RASEF: variants seen among roughly 807,000 people sequenced by gnomAD.
The protein encoded by RASEF is RAS and EF-hand domain containing.
Under a neutral mutation model 90.1 loss-of-function variants are expected in RASEF, and 68 were observed. The ratio of observed to expected loss-of-function variants is 0.75; its 90% CI spans 0.62 to 0.92. The LOEUF (loss-of-function observed/expected upper bound fraction) is 0.92, where lower values mean the gene tolerates loss of function less well. Among genes scored for constraint, RASEF ranks in the 40% least tolerant of loss-of-function variants. The pLI, the probability that RASEF is intolerant of heterozygous loss-of-function variation, is 0.00. For synonymous variants in RASEF, 331 were observed against 345.2 expected (o/e 0.96, Z 0.46); for missense variants, 949 against 937.2 (o/e 1.01, Z -0.16).
At chr9:83,167,276 G>A in the RASEF span, among the ~76,000 whole-genome samples, 1 of 151,582 alleles carries the variant, frequency 6.6e-6, no homozygotes, top group Non-Finnish European at 1.5e-5. Context: ...AGAAGACCAG[G>A]CTTGACCTGA....
At chr9:83,200,360 C>A in the RASEF span, among the ~76,000 whole-genome samples, 1 of 152,110 alleles carries the variant, frequency 6.6e-6, no homozygotes. Context: ...CATGCCATTG[C>A]ACTCCAGCCT....
Position 83,025,800 on chromosome 9 carries a change from C to T in RASEF, c.553G>A (p.Glu185Lys). The T allele has an allele frequency of 4.3e-6, 7 of 1,613,816 alleles. No individual in the cohort carries two copies. Among genetic ancestry groups the T allele is most frequent in the Non-Finnish European group, 5.9e-6 (7 of 1,179,942 alleles). The change falls in exon 2 of 17, where the codon GAA (glutamate) becomes AAA (lysine). Residue 185 changes from glutamate (E) to lysine (K), a missense_variant. Physicochemically the swap from Glu to Lys is moderately conservative, Grantham distance 56. This residue lies in a region of RASEF where 656 missense variants were observed against 592.2 expected (regional missense o/e 1.11). Coordinates refer to ENST00000376447, the MANE Select transcript of RASEF (RefSeq NM_152573.4). ...REIRLQSTEMENLAIAVKRAQ... is the reference protein window; with the variant it reads ...REIRLQSTEMKNLAIAVKRAQ... Reference sequence around the variant, plus strand: ...CTCTTCACCGCAATGGCCAAATTTTCCATTTCTGTGCTTTGAAGTCTGATC... The same window carrying T: ...CTCTTCACCGCAATGGCCAAATTTTTCATTTCTGTGCTTTGAAGTCTGATC...
At chr9:83,200,623 C>T in the RASEF span, among the ~76,000 whole-genome samples, 1 of 152,166 alleles carries the variant, frequency 6.6e-6, no homozygotes, top group South Asian at 2.1e-4. Flanking sequence ...TTCCTCAAAA[C>T]ACCTGTCATC....
intron 16 of RASEF, among the ~76,000 whole-genome samples, chr9:82,985,933 G>A (rs1828702149): frequency 6.6e-6 from 1 of 152,142 alleles, no homozygotes; most frequent in East Asian, 1.9e-4. Context: ...ACCAGGATTT[G>A]GATATGCAGA....
chr9:83,213,197 C>T, the RASEF span, among the ~76,000 whole-genome samples: 4 of 151,398 alleles, frequency 2.6e-5, no homozygotes, highest in African/African-American at 7.3e-5. Context: ...GTCAGGAGTT[C>T]GAGACCAGCC....
chr9:83,130,257 T>C, the RASEF span, among the ~76,000 whole-genome samples: 2 of 152,224 alleles, frequency 1.3e-5, no homozygotes, highest in South Asian at 4.1e-4. Flanking sequence ...AGACTTTATC[T>C]TTTTAGAGCT....
the RASEF span, among the ~76,000 whole-genome samples, chr9:83,113,278 C>G: frequency 6.6e-6 from 1 of 152,130 alleles, no homozygotes; most frequent in African/African-American, 2.4e-5. Context: ...CCTAATAATA[C>G]TCTTATAATT....
chr9:83,180,729 A>G, the RASEF span, among the ~76,000 whole-genome samples: 1 of 152,060 alleles, frequency 6.6e-6, no homozygotes, highest in African/African-American at 2.4e-5. Flanking sequence ...TTGATTGGCC[A>G]CACCTGGGTC....
At chr9:83,062,356 GGTCTGCAC>G in intron 1 of RASEF, 73 bp downstream of exon 1, 1 of 1,393,364 alleles carries the variant, frequency 7.2e-7, no homozygotes, top group South Asian at 1.3e-5. Flanking sequence ...GGGGCCATTG[GGTCTGCAC>G]ACCTGCAAGT....
At chr9:83,018,795 A>G (rs1470189952) in intron 3 of RASEF, among the ~76,000 whole-genome samples, 1 of 152,188 alleles carries the variant, frequency 6.6e-6, no homozygotes, top group African/African-American at 2.4e-5. Context: ...AAGACAATGT[A>G]ATATTGGCAT....
At chr9:83,018,362 C>A (rs996811406) in intron 3 of RASEF, among the ~76,000 whole-genome samples, 1 of 152,020 alleles carries the variant, frequency 6.6e-6, no homozygotes, top group Admixed American at 6.6e-5. Flanking sequence ...TTTAGAAATA[C>A]TATTTACAGT....
At chr9:83,094,936 G>A in the RASEF span, among the ~76,000 whole-genome samples, 2,487 of 152,194 alleles carry the variant, frequency 0.016, 64 homozygotes, top group African/African-American at 0.056. Context: ...GTAGCCTCAC[G>A]TCCAAGCATA....
At chr9:83,024,119 A>C (rs1422413248) in intron 2 of RASEF, among the ~76,000 whole-genome samples, 1 of 152,220 alleles carries the variant, frequency 6.6e-6, no homozygotes, top group Non-Finnish European at 1.5e-5. Flanking sequence ...AATGGTTTAC[A>C]AGTAGCCATT....
At chr9:83,103,170 T>G in the RASEF span, among the ~76,000 whole-genome samples, 1 of 152,180 alleles carries the variant, frequency 6.6e-6, no homozygotes, top group Non-Finnish European at 1.5e-5. Flanking sequence ...AGTGTAAAGC[T>G]GAGTGAAGTG....
chr9:83,007,069 G>A (rs1829146631), intron 7 of RASEF, among the ~76,000 whole-genome samples: 1 of 147,956 alleles, frequency 6.8e-6, no homozygotes, highest in Non-Finnish European at 1.5e-5. Context: ...ACTTCAGCCT[G>A]GGTGACAGGG....
Position 83,062,712 on chromosome 9 carries a change from C to CT in RASEF, c.155dup (p.Arg53AlafsTer7), listed in dbSNP as rs777221012. 1 of 1,579,084 alleles carries CT rather than the reference C, an allele frequency of 6.3e-7. No homozygotes were observed. Among genetic ancestry groups the CT allele is most frequent in the South Asian group, 1.1e-5 (1 of 88,092 alleles). The stretch of plus-strand genomic sequence containing the variant: ...CGCCGTCACGGTCGGCGTCCAGCCG[C>CT]TGGAATACTGCCTCGGCGTCGGCCG... On this transcript the variant is annotated frameshift_variant, in exon 1 of 17. Coordinates refer to ENST00000376447, the MANE Select transcript of RASEF (RefSeq NM_152573.4). LOFTEE classifies it high-confidence loss of function.
At chr9:83,045,574 G>A (rs565528509) in intron 1 of RASEF, among the ~76,000 whole-genome samples, 1 of 152,286 alleles carries the variant, frequency 6.6e-6, no homozygotes, top group East Asian at 1.9e-4. Flanking sequence ...GAGAGGTGAT[G>A]CATTATCCTT....
chr9:83,165,878 A>G, the RASEF span, among the ~76,000 whole-genome samples: 1 of 152,130 alleles, frequency 6.6e-6, no homozygotes, highest in Non-Finnish European at 1.5e-5. Context: ...CATTTTTTTA[A>G]AAACCCTATG....
chr9:83,122,723 C>T, the RASEF span, among the ~76,000 whole-genome samples: 1 of 152,152 alleles, frequency 6.6e-6, no homozygotes, highest in Non-Finnish European at 1.5e-5. Flanking sequence ...TTTATCATCT[C>T]CATTATGTTT....
Sources: allele counts gnomAD v4.1 joint callset (sites outside exome capture counted in the v4.1 genomes callset), GRCh38; gene constraint gnomAD v4.1.1; regional missense constraint gnomAD v4.1.1; transcripts MANE v1.5; gene names NCBI Gene and HGNC (gene_info 2026-07-23, HGNC 2026-07-21).